ADGRL2: variants seen among roughly 807,000 people sequenced by gnomAD.
ADGRL2 encodes the protein calcium-independent alpha-latrotoxin receptor 2.
ADGRL2 carries 44 observed loss-of-function variants against 157.4 expected under a neutral mutation model. The observed-to-expected ratio is 0.28, with a 90% confidence interval of 0.22 to 0.36. ADGRL2 has a LOEUF of 0.36. Among genes scored for constraint, ADGRL2 ranks in the 10% least tolerant of loss-of-function variants. The pLI is 1.00. For synonymous variants in ADGRL2, 585 were observed against 624.7 expected (o/e 0.94, Z 0.95); for missense variants, 1,510 against 1,768.9 (o/e 0.85, Z 2.63).
At chr1:81,507,216 A>G (rs139488064) in intron 2 of ADGRL2, among the ~76,000 whole-genome samples, 3 of 152,246 alleles carry the variant, frequency 2.0e-5, no homozygotes, top group Non-Finnish European at 2.9e-5. Flanking sequence ...TGGAGGACCA[A>G]TGGAAGCCCC....
chr1:81,947,249 A>G (rs927335730), intron 6 of ADGRL2, among the ~76,000 whole-genome samples: 1 of 152,112 alleles, frequency 6.6e-6, no homozygotes, highest in African/African-American at 2.4e-5. Context: ...ACCTTTTGCC[A>G]TGTTTCATTA....
intron 3 of ADGRL2, among the ~76,000 whole-genome samples, chr1:81,657,845 C>CTATT (rs2082568002): frequency 6.6e-6 from 1 of 152,188 alleles, no homozygotes. Flanking sequence ...CCTATTATAA[C>CTATT]TATTACATCT....
intron 2 of ADGRL2, among the ~76,000 whole-genome samples, chr1:81,455,759 A>G (rs2077792266): frequency 6.6e-6 from 1 of 152,246 alleles, no homozygotes; most frequent in Non-Finnish European, 1.5e-5. Context: ...TATTGTAGAT[A>G]CAGCATCAAG....
rs139185246 is a variant in ADGRL2, at chr1:81,990,917, G to A, written c.4182G>A (p.Pro1394=). ...SMPNLRDSPY[P]ESSPDMEEDL... is the part of the protein sequence containing the mutation. ...CCAATCTTAGAGACTCTCCCTATCCGGAGAGCAGCCCTGACATGGAAGAAG... is the reference window on the plus strand; with the variant it reads ...CCAATCTTAGAGACTCTCCCTATCCAGAGAGCAGCCCTGACATGGAAGAAG... The change falls in exon 24 of 24, where the codon CCG becomes CCA. Residue 1394 remains proline (P), a synonymous_variant. Transcript: ENST00000686636. The A allele has an allele frequency of 1.3e-4, 211 of 1,613,848 alleles. 1 individual carries two copies. Among genetic ancestry groups the A allele is most frequent in the African/African-American group, 8.0e-4 (60 of 74,982 alleles).
intron 2 of ADGRL2, among the ~76,000 whole-genome samples, chr1:81,839,892 C>CAT (rs1318159303): frequency 1.6e-4 from 16 of 97,856 alleles, no homozygotes; most frequent in Admixed American, 5.1e-4. Context: ...TATTTTCCAT[C>CAT]ATATATATAT....
chr1:81,955,744 G>C, intron 10 of ADGRL2, 133 bp from the exon 11 acceptor site: 1 of 575,618 alleles, frequency 1.7e-6, no homozygotes, highest in Non-Finnish European at 3.1e-6. Flanking sequence ...ATGTTGTCTA[G>C]GTGTTCTTCC....
intron 2 of ADGRL2, among the ~76,000 whole-genome samples, chr1:81,479,836 T>C (rs1480597712): frequency 6.6e-6 from 1 of 152,182 alleles, no homozygotes; most frequent in Non-Finnish European, 1.5e-5. Flanking sequence ...TCCTTATTGA[T>C]AGTTTATGGG....
At chr1:81,383,582 C>G (rs1371045037) in intron 1 of ADGRL2, among the ~76,000 whole-genome samples, 1 of 151,452 alleles carries the variant, frequency 6.6e-6, no homozygotes, top group African/African-American at 2.4e-5. Context: ...TAGATACACT[C>G]TGCAAAATTT....
At chr1:81,605,781 T>C (rs2081420252) in intron 3 of ADGRL2, among the ~76,000 whole-genome samples, 1 of 152,212 alleles carries the variant, frequency 6.6e-6, no homozygotes, top group African/African-American at 2.4e-5. Flanking sequence ...AGTTCTATTG[T>C]CTGTGAATTA....
At chr1:81,777,989 T>A (rs1029613262) in intron 2 of ADGRL2, among the ~76,000 whole-genome samples, 1 of 152,024 alleles carries the variant, frequency 6.6e-6, no homozygotes, top group Admixed American at 6.6e-5. Flanking sequence ...ACATTGCCAT[T>A]GGGTACAATC....
intron 3 of ADGRL2, among the ~76,000 whole-genome samples, chr1:81,674,504 C>G (rs563554384): frequency 6.6e-6 from 1 of 152,272 alleles, no homozygotes; most frequent in Admixed American, 6.5e-5. Context: ...GTCTTTTAAC[C>G]ATTTGTTGCT....
intron 2 of ADGRL2, among the ~76,000 whole-genome samples, chr1:81,773,646 T>G (rs2086463418): frequency 6.6e-6 from 1 of 152,238 alleles, no homozygotes; most frequent in Non-Finnish European, 1.5e-5. Context: ...ACTTTCTTCT[T>G]GAGCGTTCAC....
chr1:81,723,105 A>G, intron 1 of ADGRL2: 1 of 687,390 alleles, frequency 1.5e-6, no homozygotes, highest in South Asian at 1.5e-5. Flanking sequence ...TTGCTGAAGG[A>G]AAAGCAACCT....
chr1:81,671,804 C>T (rs768834011), intron 3 of ADGRL2, among the ~76,000 whole-genome samples: 1 of 152,220 alleles, frequency 6.6e-6, no homozygotes, highest in African/African-American at 2.4e-5. Flanking sequence ...TGAGCCACCA[C>T]GCCCAGCCCT....
intron 1 of ADGRL2, among the ~76,000 whole-genome samples, chr1:81,309,472 A>G (rs1180141022): frequency 6.6e-6 from 1 of 152,044 alleles, no homozygotes; most frequent in East Asian, 1.9e-4. Context: ...GGCTTTGAAA[A>G]CTCACACAAT....
chr1:81,424,152 C>A (rs1396599757), intron 1 of ADGRL2, among the ~76,000 whole-genome samples: 2 of 152,146 alleles, frequency 1.3e-5, no homozygotes, highest in Non-Finnish European at 2.9e-5. Context: ...GACACACCAA[C>A]GTTTATGGAA....
intron 23 of ADGRL2, among the ~76,000 whole-genome samples, chr1:81,988,675 C>A (rs1409766): frequency 0.22 from 32,826 of 151,886 alleles, 4,066 homozygotes; most frequent in East Asian, 0.6. Context: ...CAAATATAAT[C>A]TCTCATTTTC....
intron 2 of ADGRL2, among the ~76,000 whole-genome samples, chr1:81,464,594 G>C (rs79767132): frequency 6.6e-6 from 1 of 152,094 alleles, no homozygotes; most frequent in South Asian, 2.1e-4. Context: ...CATCATAATG[G>C]ACTTGATAAT....
intron 3 of ADGRL2, among the ~76,000 whole-genome samples, chr1:81,642,372 A>T (rs1355422123): frequency 6.6e-6 from 1 of 150,780 alleles, no homozygotes; most frequent in Non-Finnish European, 1.5e-5. Flanking sequence ...GTGAGCTGAG[A>T]TCATGCCACT....
Sources: allele counts gnomAD v4.1 joint callset (sites outside exome capture counted in the v4.1 genomes callset), GRCh38; gene constraint gnomAD v4.1.1; transcripts MANE v1.5; gene names NCBI Gene and HGNC (gene_info 2026-07-23, HGNC 2026-07-21).